Variants in NAV3 observed in about 807,000 individuals in gnomAD.
NAV3 encodes neuron navigator 3.
Under a neutral mutation model 244.7 loss-of-function variants are expected in NAV3, and 87 were observed. The observed-to-expected ratio is 0.36, with a 90% CI of 0.30 to 0.42. NAV3 has a LOEUF of 0.42. Ranked by LOEUF, NAV3 falls within the 20% of genes least tolerant of loss-of-function variation. NAV3 has a pLI of 1.00. For synonymous variants in NAV3, 1,126 were observed against 1,042.2 expected (o/e 1.08, Z -1.55); for missense variants, 2,663 against 2,893.3 (o/e 0.92, Z 1.83).
At chr12:78,136,679 G>A (rs184362316) in intron 18 of NAV3, among the ~76,000 whole-genome samples, 106 of 152,130 alleles carry the variant, frequency 7.0e-4, no homozygotes, top group Admixed American at 2.2e-3. Flanking sequence ...TAATAATGAT[G>A]GTCCTAATCA....
intron 9 of NAV3, among the ~76,000 whole-genome samples, chr12:78,040,504 G>T (rs1396063825): frequency 6.6e-6 from 1 of 152,172 alleles, no homozygotes; most frequent in Non-Finnish European, 1.5e-5. Flanking sequence ...AATATATTTA[G>T]TGAAACAGCA....
chr12:78,153,747 C>T (rs909913124), intron 22 of NAV3, among the ~76,000 whole-genome samples: 3 of 151,934 alleles, frequency 2.0e-5, no homozygotes, highest in Non-Finnish European at 4.4e-5. Flanking sequence ...AGTCTTTTAA[C>T]CAAAAATCTC....
chr12:77,753,536 C>T (rs2080106040), intron 2 of NAV3, among the ~76,000 whole-genome samples: 2 of 152,152 alleles, frequency 1.3e-5, no homozygotes, highest in South Asian at 4.1e-4. Context: ...AAGACAATCC[C>T]TAGGTCTACA....
chr12:77,966,815 C>A (rs1350465698), intron 4 of NAV3, among the ~76,000 whole-genome samples: 1 of 151,904 alleles, frequency 6.6e-6, no homozygotes. Flanking sequence ...TGTTTTAAAT[C>A]ATTAAAGATT....
In NAV3 at chr12:78,188,360, A is replaced by T. The variant is rs772399428; in HGVS notation, c.5886+17A>T. Reference sequence around the variant, plus strand: ...CTCTTTAAGGTATGTTGTGCAAGACACCCTAATAGTACTTTTCAAATATGT... The same window carrying T: ...CTCTTTAAGGTATGTTGTGCAAGACTCCCTAATAGTACTTTTCAAATATGT... On this transcript the variant is annotated intron_variant, in intron 32 of 39. Transcript: ENST00000397909. The T allele has an allele frequency of 5.8e-6, 9 of 1,563,044 alleles. No homozygotes were observed. The highest frequency in any genetic ancestry group is 5.7e-5 in the South Asian group (5 of 88,174).
intron 9 of NAV3, among the ~76,000 whole-genome samples, chr12:78,029,888 G>A (rs1477598126): frequency 6.6e-6 from 1 of 152,132 alleles, no homozygotes; most frequent in Non-Finnish European, 1.5e-5. Flanking sequence ...ATTCAGTCAG[G>A]AATGATGGTG....
chr12:77,682,576 T>C (rs971100806), intron 2 of NAV3, among the ~76,000 whole-genome samples: 2 of 152,182 alleles, frequency 1.3e-5, no homozygotes, highest in Non-Finnish European at 2.9e-5. Context: ...GAGGAACCTA[T>C]ATACTGTTTC....
At chr12:78,153,266 T>A (rs1006067726) in intron 22 of NAV3, among the ~76,000 whole-genome samples, 1 of 152,062 alleles carries the variant, frequency 6.6e-6, no homozygotes, top group Non-Finnish European at 1.5e-5. Context: ...CACCTCTCAT[T>A]TGACTGGCAG....
At chr12:78,149,387 G>A (rs1565724346) in intron 22 of NAV3, among the ~76,000 whole-genome samples, 1 of 152,102 alleles carries the variant, frequency 6.6e-6, no homozygotes, top group Non-Finnish European at 1.5e-5. Context: ...CACTGTGGAT[G>A]AGATATGGTT....
intron 2 of NAV3, among the ~76,000 whole-genome samples, chr12:77,701,452 G>T (rs1335869860): frequency 6.6e-6 from 1 of 151,766 alleles, no homozygotes. Flanking sequence ...CTTGCTAGAG[G>T]TTTATTAATT....
At chr12:77,967,613 T>A (rs1892631604) in intron 4 of NAV3, among the ~76,000 whole-genome samples, 1 of 152,140 alleles carries the variant, frequency 6.6e-6, no homozygotes, top group South Asian at 2.1e-4. Context: ...ACATCAAGTT[T>A]TATTTAAAAT....
chr12:77,820,659 G>T (rs1270194021), intron 2 of NAV3, among the ~76,000 whole-genome samples: 3 of 152,116 alleles, frequency 2.0e-5, no homozygotes, highest in Admixed American at 1.3e-4. Context: ...TTAAAAACAT[G>T]ACCATTGCAT....
At chr12:77,633,792 G>C (rs556726380) in intron 2 of NAV3, among the ~76,000 whole-genome samples, 4 of 152,244 alleles carry the variant, frequency 2.6e-5, no homozygotes, top group African/African-American at 9.6e-5. Context: ...TTTGGGAAGA[G>C]TGTTAAAATA....
At chr12:77,951,472 G>T (rs2137653551) in intron 3 of NAV3, among the ~76,000 whole-genome samples, 1 of 152,286 alleles carries the variant, frequency 6.6e-6, no homozygotes, top group Non-Finnish European at 1.5e-5. Flanking sequence ...CTGTTGGTGG[G>T]ACTGTAAACT....
At position 78,021,777 on chromosome 12, in the gene NAV3, A is replaced by G; in HGVS notation, c.1938A>G (p.Leu646=). The G allele has an allele frequency of 6.2e-7, 1 of 1,610,018 alleles. No homozygotes were observed. Among genetic ancestry groups the G allele is most frequent in the Non-Finnish European group, 8.5e-7 (1 of 1,177,662 alleles). The change falls in exon 9 of 40, where the codon TTA becomes TTG. Residue 646 remains leucine (L), a synonymous_variant. Coordinates refer to ENST00000397909, the MANE Select transcript of NAV3 (RefSeq NM_001024383.2). ...ATTCAGAAAATGAAGGTACCGCTTT[A>G]CCATCGGCTGACTCCTGTACCAGTC... The part of the protein sequence containing the change: ...RAHSENEGTA[L]PSADSCTSPT...
At position 78,175,375 on chromosome 12, in the gene NAV3, G is replaced by A. The variant is rs1958177429; in HGVS notation, c.5051G>A (p.Ser1684Asn). ...ATCAACAGTGCCACAAGCCATTCCA[G>A]TATTGGCAGTGGTAATGATGCCGAC... is the stretch of plus-strand genomic sequence containing the variant. Reference protein sequence around the residue: ...SSINSATSHSSIGSGNDADSK... With the variant: ...SSINSATSHSNIGSGNDADSK... The change falls in exon 25 of 40, where the codon AGT becomes AAT. Residue 1684 changes from serine to asparagine, a missense_variant. Physicochemically the swap from Ser to Asn is conservative, Grantham distance 46 (BLOSUM62 1). Transcript: ENST00000397909. 1.2e-6 allele frequency: 2 copies of A among 1,611,728 alleles called. No individual in the cohort carries two copies.
At chr12:77,686,448 A>T (rs1411373231) in intron 2 of NAV3, among the ~76,000 whole-genome samples, 47 of 132,634 alleles carry the variant, frequency 3.5e-4, no homozygotes, top group Non-Finnish European at 5.6e-4. Context: ...TTTTTTTTTT[A>T]AAAACAGAGG....
chr12:78,135,173 T>G (rs540424126), intron 18 of NAV3, among the ~76,000 whole-genome samples: 2 of 152,332 alleles, frequency 1.3e-5, no homozygotes, highest in African/African-American at 4.8e-5. Context: ...TACTGTATAG[T>G]TTTTCTTGTT....
chr12:78,070,569 T>C (rs1952705964), intron 12 of NAV3, among the ~76,000 whole-genome samples: 1 of 152,128 alleles, frequency 6.6e-6, no homozygotes, highest in Non-Finnish European at 1.5e-5. Context: ...TTTATTATTA[T>C]ACTTTAAGTT....
Sources: allele counts gnomAD v4.1 joint callset (sites outside exome capture counted in the v4.1 genomes callset), GRCh38; gene constraint gnomAD v4.1.1; transcripts MANE v1.5; gene names NCBI Gene and HGNC (gene_info 2026-07-23, HGNC 2026-07-21).